CAMK4: variants seen among roughly 807,000 people sequenced by gnomAD.
CAMK4 encodes calcium/calmodulin dependent protein kinase IV, also known as calcium/calmodulin-dependent protein kinase type IV.
In CAMK4, 22 loss-of-function variants were observed where a neutral mutation model predicts 44.9. The observed-to-expected ratio is 0.49, with a 90% confidence interval of 0.35 to 0.70. The LOEUF is 0.70. Ranked by LOEUF, CAMK4 falls within the 30% of genes least tolerant of loss-of-function variation. The probability of loss-of-function intolerance (pLI) is 0.01; values close to 1 mark genes in which losing one functional copy is unlikely to be tolerated. For synonymous variants in CAMK4, 218 were observed against 215.4 expected (o/e 1.01, Z -0.11); for missense variants, 498 against 586.8 (o/e 0.85, Z 1.56).
chr5:111,266,253 G>A (rs990052586), intron 1 of CAMK4: 1 of 151,368 alleles, frequency 6.6e-6, no homozygotes, highest in African/African-American at 2.4e-5. Context: ...GAAAGAGAGA[G>A]AGAGAGACGT....
chr5:111,386,772 T>C lies in CAMK4; in HGVS notation c.387-7938T>C, dbSNP rs79017907. On this transcript the variant is annotated intron_variant, in intron 4 of 10. Coordinates refer to ENST00000282356, the MANE Select transcript of CAMK4 (RefSeq NM_001744.6). ...GGCACAGTTGTGGTGTAAGAGAGCC[T>C]GTTGAAGCCAGACGCTTTCAGTGGA... Among the ~76,000 whole-genome samples, 39 of 152,356 alleles carry C rather than the reference T, an allele frequency of 2.6e-4. 1 individual carries two copies. In the East Asian group the frequency reaches 5.4e-3, roughly 21 times the overall value.
chr5:111,475,841 T>A (rs188199027), intron 8 of CAMK4, among the ~76,000 whole-genome samples: 11 of 152,208 alleles, frequency 7.2e-5, no homozygotes, highest in Admixed American at 1.3e-4. Context: ...TAGATTGGTT[T>A]AATGTACATT....
At chr5:111,243,296 C>A (rs1482044269) in intron 1 of CAMK4, among the ~76,000 whole-genome samples, 1 of 152,082 alleles carries the variant, frequency 6.6e-6, no homozygotes, top group Non-Finnish European at 1.5e-5. Context: ...TGTGGTTCTT[C>A]CTGAAGATAG....
At chr5:111,297,586 A>AATTTGTTT (rs1747540568) in intron 1 of CAMK4, among the ~76,000 whole-genome samples, 2 of 152,248 alleles carry the variant, frequency 1.3e-5, no homozygotes, top group Non-Finnish European at 2.9e-5. Flanking sequence ...ATATTTCATC[A>AATTTGTTT]AAATATTACA....
At chr5:111,446,648 C>T in intron 5 of CAMK4, 38 bp from the exon 6 acceptor site, 1 of 1,031,362 alleles carries the variant, frequency 9.7e-7, no homozygotes, top group Non-Finnish European at 1.5e-6. Flanking sequence ...CCATAAATAG[C>T]ATTACACAAA....
chr5:111,232,087 T>C (rs1192460216), intron 1 of CAMK4, among the ~76,000 whole-genome samples: 1 of 152,200 alleles, frequency 6.6e-6, no homozygotes, highest in African/African-American at 2.4e-5. Flanking sequence ...TAAAGTCCTC[T>C]TGTTTATAAG....
Position 111,394,702 on chromosome 5 carries a change from T to C in CAMK4, c.387-8T>C. 1 of 1,601,962 alleles carries C rather than the reference T, an allele frequency of 6.2e-7. No individual in the cohort carries two copies. The highest frequency in any genetic ancestry group is 8.5e-7 in the Non-Finnish European group (1 of 1,171,682). ...GCCTGAGAAGCATTTCCTTTCTTTT[T>C]GTTCCAGGATTGTGGAAAAGGGATA... On this transcript the variant is annotated splice_region_variant and splice_polypyrimidine_tract_variant and intron_variant, in intron 4 of 10. Coordinates refer to ENST00000282356, the MANE Select transcript of CAMK4 (RefSeq NM_001744.6).
intron 4 of CAMK4, among the ~76,000 whole-genome samples, chr5:111,379,283 A>G (rs1280596122): frequency 6.6e-6 from 1 of 152,102 alleles, no homozygotes; most frequent in Non-Finnish European, 1.5e-5. Context: ...CTTCTTCCCA[A>G]CCTTTCTTCC....
Position 111,290,499 on chromosome 5 carries a change from A to G in CAMK4, c.162-53525A>G, listed in dbSNP as rs911858211. On this transcript the variant is annotated intron_variant, in intron 1 of 10. Coordinates refer to ENST00000282356, the MANE Select transcript of CAMK4 (RefSeq NM_001744.6). This position sits in a 1 kb window ranked among gnomAD's most constrained non-coding sequence, Gnocchi z 4.5. ...ATATACAGATGTGTGAGCCCAAAGT[A>G]TAACTACTTAAATCCATGGGACTAT... Among the ~76,000 whole-genome samples the G allele has an allele frequency of 2.0e-5, 3 of 152,242 alleles. No homozygotes were observed. The highest frequency in any genetic ancestry group is 7.2e-5 in the African/African-American group (3 of 41,462).
intron 4 of CAMK4, among the ~76,000 whole-genome samples, chr5:111,378,643 G>A (rs1382998124): frequency 1.3e-5 from 2 of 152,090 alleles, no homozygotes; most frequent in Admixed American, 6.6e-5. Context: ...ATAACATTTT[G>A]ACTATTTTCA....
chr5:111,406,210 C>G (rs1481223553), intron 5 of CAMK4, among the ~76,000 whole-genome samples: 1 of 150,976 alleles, frequency 6.6e-6, no homozygotes, highest in African/African-American at 2.4e-5. Context: ...CTCTCTCTCT[C>G]TCTCTCTCTC....
In CAMK4 at chr5:111,230,554, A is replaced by G. The variant is rs1337701405; in HGVS notation, c.161+5910A>G. Among the ~76,000 whole-genome samples the G allele has an allele frequency of 2.2e-5, 3 of 139,360 alleles. No individual in the cohort carries two copies. In the East Asian group the frequency reaches 6.4e-4, roughly 30 times the overall value. 91.4% of individuals were successfully genotyped at this position (139,360 alleles called of 152,430 possible). A position where few individuals can be genotyped will look rare whatever the true frequency, so the allele number is the denominator to read the frequency against. On this transcript the variant is annotated intron_variant, in intron 1 of 10. Coordinates refer to ENST00000282356, the MANE Select transcript of CAMK4 (RefSeq NM_001744.6). The stretch of plus-strand genomic sequence containing the variant: ...CTGTCACAAGGTTAAAAATAACTCC[A>G]GATTTTGGGGGAAAAAAAAAAAAAA...
intron 4 of CAMK4, among the ~76,000 whole-genome samples, chr5:111,379,462 T>G (rs1434097449): frequency 1.3e-5 from 2 of 152,172 alleles, no homozygotes; most frequent in Non-Finnish European, 2.9e-5. Flanking sequence ...TTAGTGGTTT[T>G]AAAAGATAGA....
chr5:111,366,823 TA>T (rs764467424), intron 2 of CAMK4, among the ~76,000 whole-genome samples: 1 of 152,062 alleles, frequency 6.6e-6, no homozygotes, highest in African/African-American at 2.4e-5. Context: ...CTTGAAACTA[TA>T]AAAACCTGTA....
intron 4 of CAMK4, among the ~76,000 whole-genome samples, chr5:111,377,613 C>G (rs1459690849): frequency 5.3e-5 from 8 of 152,066 alleles, no homozygotes; most frequent in Non-Finnish European, 4.4e-5. Flanking sequence ...TATAGTTGTT[C>G]CATCTTCCCC....
At chr5:111,253,043 T>G (rs566918549) in intron 1 of CAMK4, among the ~76,000 whole-genome samples, 18 of 152,362 alleles carry the variant, frequency 1.2e-4, no homozygotes, top group African/African-American at 4.3e-4. Context: ...ACTTGCTTTC[T>G]TATCTACAGA....
intron 5 of CAMK4, among the ~76,000 whole-genome samples, chr5:111,412,518 A>C (rs1242526535): frequency 6.6e-6 from 1 of 152,258 alleles, no homozygotes; most frequent in East Asian, 1.9e-4. Context: ...TCCTCAAACC[A>C]GTATTTAACA....
At chr5:111,266,525 C>G (rs966324670) in intron 1 of CAMK4, among the ~76,000 whole-genome samples, 1 of 152,134 alleles carries the variant, frequency 6.6e-6, no homozygotes, top group Non-Finnish European at 1.5e-5. Flanking sequence ...CCAGTGGTCT[C>G]CTTATTATGA....
intron 4 of CAMK4, among the ~76,000 whole-genome samples, chr5:111,383,806 A>G (rs1444949208): frequency 6.6e-6 from 1 of 152,062 alleles, no homozygotes; most frequent in East Asian, 1.9e-4. Context: ...AGAATGCACA[A>G]CCATTCAGCA....
Sources: allele counts gnomAD v4.1 joint callset (sites outside exome capture counted in the v4.1 genomes callset), GRCh38; gene constraint gnomAD v4.1.1; non-coding constraint Gnocchi (gnomAD v3.1); transcripts MANE v1.5; gene names NCBI Gene and HGNC (gene_info 2026-07-23, HGNC 2026-07-21).